ARHGAP42: variants seen among roughly 807,000 people sequenced by gnomAD.
ARHGAP42 encodes the protein rho GTPase-activating protein 42.
A neutral mutation model predicts 125.0 loss-of-function variants in ARHGAP42; 63 were observed. The ratio of observed to expected loss-of-function variants is 0.50; its 90% confidence interval spans 0.41 to 0.62. The LOEUF is 0.62. Ranked by LOEUF, ARHGAP42 falls within the 20% of genes least tolerant of loss-of-function variation. The pLI is 0.00. For synonymous variants in ARHGAP42, 339 were observed against 351.0 expected (o/e 0.97, Z 0.38); for missense variants, 766 against 1,024.2 (o/e 0.75, Z 3.44).
At chr11:100,884,980 G>A (rs1285278895) in intron 4 of ARHGAP42, among the ~76,000 whole-genome samples, 1 of 152,112 alleles carries the variant, frequency 6.6e-6, no homozygotes, top group Non-Finnish European at 1.5e-5. Context: ...TGCAGGGGGA[G>A]ACTAACCTCA....
intron 1 of ARHGAP42, among the ~76,000 whole-genome samples, chr11:100,702,996 A>G (rs867913412): frequency 5.3e-5 from 8 of 152,294 alleles, no homozygotes; most frequent in Middle Eastern, 6.8e-3. Flanking sequence ...CTCTTACCAT[A>G]TAGTGGATGC....
At chr11:100,788,135 G>A (rs1379267229) in intron 2 of ARHGAP42, among the ~76,000 whole-genome samples, 1 of 152,154 alleles carries the variant, frequency 6.6e-6, no homozygotes. Context: ...TGTCTAGTAA[G>A]CTCCTCCAAC....
chr11:100,744,008 C>T (rs113906111), intron 1 of ARHGAP42, among the ~76,000 whole-genome samples: 3,964 of 152,242 alleles, frequency 0.026, 68 homozygotes, highest in Non-Finnish European at 0.031. Context: ...TCTCGCTCTG[C>T]TGCCCAGGCT....
At chr11:100,728,837 C>T (rs1861908807) in intron 1 of ARHGAP42, among the ~76,000 whole-genome samples, 1 of 149,412 alleles carries the variant, frequency 6.7e-6, no homozygotes, top group Non-Finnish European at 1.5e-5. Flanking sequence ...GGCGTGATCT[C>T]GGTTCACTAC....
At chr11:100,855,506 A>G (rs1198780096) in intron 3 of ARHGAP42, among the ~76,000 whole-genome samples, 1 of 152,132 alleles carries the variant, frequency 6.6e-6, no homozygotes, top group African/African-American at 2.4e-5. Flanking sequence ...GAAAATTCCT[A>G]TCAGATAGCA....
chr11:100,838,183 T>C (rs1864860649), intron 3 of ARHGAP42, among the ~76,000 whole-genome samples: 1 of 151,990 alleles, frequency 6.6e-6, no homozygotes, highest in Admixed American at 6.6e-5. Flanking sequence ...TCCTTCTGAG[T>C]AAATTCCTGC....
intron 19 of ARHGAP42, among the ~76,000 whole-genome samples, chr11:100,975,283 C>T (rs1037404884): frequency 6.6e-6 from 1 of 152,146 alleles, no homozygotes; most frequent in Non-Finnish European, 1.5e-5. Flanking sequence ...CCATGATGTG[C>T]TTATTTCAAG....
At position 100,959,907 on chromosome 11, in the gene ARHGAP42, A is replaced by C. The variant is rs1261145541; in HGVS notation, c.1187A>C (p.Asn396Thr). The C allele has an allele frequency of 6.4e-7, 1 of 1,551,492 alleles. No individual in the cohort carries two copies. The highest frequency in any genetic ancestry group is 2.0e-5 in the Admixed American group (1 of 50,984). ...EEMYLNEAGF[N>T]FVRKCIQAVE... ...GTGTATTTGAATGAAGCAGGGTTCA[A>C]CTTTGTGAGAAAATGCATTCAAGCT... Residue 396 changes from asparagine (N) to threonine (T), a missense_variant, in exon 13 of 24, where the codon AAC (asparagine) becomes ACC (threonine). This residue lies in a region of ARHGAP42 where 455 missense variants were observed against 636.5 expected (regional missense o/e 0.71). Transcript: ENST00000298815.
chr11:100,708,465 A>G (rs956761814), intron 1 of ARHGAP42, among the ~76,000 whole-genome samples: 19 of 152,302 alleles, frequency 1.2e-4, no homozygotes, highest in Admixed American at 4.6e-4. Context: ...GTGAGCCATG[A>G]TGAAGCCTTG....
intron 1 of ARHGAP42, among the ~76,000 whole-genome samples, chr11:100,768,096 A>C (rs181461687): frequency 6.6e-6 from 1 of 152,152 alleles, no homozygotes; most frequent in Admixed American, 6.6e-5. Context: ...TCCTGGCGTT[A>C]TGTCTAGGCA....
chr11:100,801,466 A>C (rs570739469), intron 3 of ARHGAP42, among the ~76,000 whole-genome samples: 177 of 152,318 alleles, frequency 1.2e-3, no homozygotes, highest in Non-Finnish European at 2.3e-3. Flanking sequence ...AGGAAGATTT[A>C]CCATATTTAG....
At chr11:100,843,307 G>C (rs781130187) in intron 3 of ARHGAP42, among the ~76,000 whole-genome samples, 1 of 151,892 alleles carries the variant, frequency 6.6e-6, no homozygotes, top group Non-Finnish European at 1.5e-5. Flanking sequence ...CAAGGAGTGA[G>C]GTTGAAATGG....
chr11:100,959,782 C>T lies in ARHGAP42; in HGVS notation c.1163-101C>T. 2.8e-6 allele frequency: 3 copies of T among 1,086,864 alleles called. No individual in the cohort carries two copies. In the South Asian group the frequency reaches 4.3e-5, roughly 16 times the overall value. 67.3% of individuals were successfully genotyped at this position (1,086,864 alleles called of 1,614,324 possible). A position where few individuals can be genotyped will look rare whatever the true frequency, so the allele number is the denominator to read the frequency against. On this transcript the variant is annotated intron_variant, in intron 12 of 23. Transcript: ENST00000298815. Reference sequence around the variant, plus strand: ...AATATTTGGAAGACTCAGAAAAAACCTCTCTACTGTTGAGTCATAAAGGCC... The same window carrying T: ...AATATTTGGAAGACTCAGAAAAAACTTCTCTACTGTTGAGTCATAAAGGCC...
intron 12 of ARHGAP42, among the ~76,000 whole-genome samples, chr11:100,958,068 G>A (rs1167906988): frequency 6.6e-6 from 1 of 151,652 alleles, no homozygotes; most frequent in Non-Finnish European, 1.5e-5. Context: ...TGCAGTTTTA[G>A]TTGATATAAA....
chr11:100,986,509 G>T (rs1858682641), intron 22 of ARHGAP42, among the ~76,000 whole-genome samples: 1 of 152,148 alleles, frequency 6.6e-6, no homozygotes. Context: ...CAGTTGAAGG[G>T]TTGTCAGGGA....
At chr11:100,886,486 A>C (rs2135184943) in intron 4 of ARHGAP42, among the ~76,000 whole-genome samples, 1 of 152,328 alleles carries the variant, frequency 6.6e-6, no homozygotes, top group South Asian at 2.1e-4. Context: ...TTATTTAGAA[A>C]GATCTTCCCT....
At position 100,976,204 on chromosome 11, in the gene ARHGAP42, C is replaced by T. The variant is rs541047518; in HGVS notation, c.2003C>T (p.Pro668Leu). The T allele has an allele frequency of 4.9e-4, 754 of 1,551,622 alleles. 10 individuals carry two copies. In the South Asian group the frequency reaches 8.5e-3, roughly 17 times the overall value. Residue 668 changes from proline (P) to leucine (L), a missense_variant, in exon 20 of 24, where the codon CCA (proline) becomes CTA (leucine). By Grantham distance (98) the Pro-to-Leu change is moderately conservative (BLOSUM62 -3). This residue lies in a region of ARHGAP42 where 308 missense variants were observed against 369.7 expected (regional missense o/e 0.83). Coordinates refer to ENST00000298815, the MANE Select transcript of ARHGAP42 (RefSeq NM_152432.4). The part of the protein sequence containing the change: ...KSGGIPWIAT[P>L]SSSNGQKSLG... ...GGAGGGATTCCTTGGATTGCAACCC[C>T]ATCATCTTCCAATGGACAGAAAAGC...
intron 1 of ARHGAP42, among the ~76,000 whole-genome samples, chr11:100,766,202 G>A (rs1862823932): frequency 6.7e-6 from 1 of 149,226 alleles, no homozygotes; most frequent in Non-Finnish European, 1.5e-5. Flanking sequence ...TTTCAAGTTA[G>A]GCAAATGGGA....
Position 100,687,549 on chromosome 11 carries a change from A to C in ARHGAP42, c.-130A>C. On this transcript the variant is annotated 5_prime_UTR_variant, in exon 1 of 24. Transcript: ENST00000298815. ...GCTCGGGGCCCGTTTCCTCCGCGCA[A>C]TCAGTCCCCTCGCGTCCCGGCGCCT... 2 of 622,234 alleles carry C rather than the reference A, an allele frequency of 3.2e-6. No homozygotes were observed. The highest frequency in any genetic ancestry group is 2.0e-5 in the African/African-American group (1 of 50,864). The allele number at this position is 622,234 out of a possible 1,614,324, so 38.5% of individuals were successfully genotyped here. A position where few individuals can be genotyped will look rare whatever the true frequency, so the allele number is the denominator to read the frequency against.
Sources: allele counts gnomAD v4.1 joint callset (sites outside exome capture counted in the v4.1 genomes callset), GRCh38; gene constraint gnomAD v4.1.1; regional missense constraint gnomAD v4.1.1; transcripts MANE v1.5; gene names NCBI Gene and HGNC (gene_info 2026-07-23, HGNC 2026-07-21).